GPC5: variants seen among roughly 807,000 people sequenced by gnomAD.
GPC5 encodes the protein glypican-5.
Under a neutral mutation model 53.9 loss-of-function variants are expected in GPC5, and 47 were observed. The observed-to-expected ratio is 0.87, with a 90% confidence interval of 0.69 to 1.11. GPC5 has a LOEUF of 1.11. Ranked by LOEUF, GPC5 falls within the 50% of genes most tolerant of loss-of-function variation. GPC5 has a pLI of 0.00. For synonymous variants in GPC5, 286 were observed against 263.3 expected (o/e 1.09, Z -0.84); for missense variants, 748 against 713.1 (o/e 1.05, Z -0.56).
chr13:91,853,957 A>C (rs1181161708), intron 5 of GPC5, among the ~76,000 whole-genome samples: 2 of 151,876 alleles, frequency 1.3e-5, no homozygotes, highest in Non-Finnish European at 2.9e-5. Context: ...TCCTCAGAGT[A>C]ACATAATAGC....
At chr13:91,544,338 CTAAT>C (rs1367168754) in intron 2 of GPC5, among the ~76,000 whole-genome samples, 3 of 152,102 alleles carry the variant, frequency 2.0e-5, no homozygotes, top group Admixed American at 2.0e-4. Context: ...TCTAACTATT[CTAAT>C]TTTCTTGAAA....
intron 7 of GPC5, among the ~76,000 whole-genome samples, chr13:92,397,796 G>A (rs1445884333): frequency 6.6e-6 from 1 of 152,098 alleles, no homozygotes; most frequent in East Asian, 1.9e-4. Context: ...TTGTAATGAA[G>A]CCCTAAGAAT....
At chr13:92,459,751 A>T (rs921228004) in intron 7 of GPC5, among the ~76,000 whole-genome samples, 1 of 152,074 alleles carries the variant, frequency 6.6e-6, no homozygotes, top group Non-Finnish European at 1.5e-5. Context: ...ATTACTTTTG[A>T]TATATAACCT....
At chr13:91,427,534 G>A (rs1393781259) in intron 1 of GPC5, among the ~76,000 whole-genome samples, 3 of 152,196 alleles carry the variant, frequency 2.0e-5, no homozygotes, top group Non-Finnish European at 4.4e-5. Flanking sequence ...TTTACCCAAT[G>A]CCTGTAATCC....
intron 6 of GPC5, among the ~76,000 whole-genome samples, chr13:92,134,174 C>T (rs1383545281): frequency 6.6e-6 from 1 of 152,060 alleles, no homozygotes; most frequent in Non-Finnish European, 1.5e-5. Flanking sequence ...ACTTGTTTGC[C>T]TCAGGAACAG....
At chr13:91,825,427 A>C (rs748079882) in intron 5 of GPC5, among the ~76,000 whole-genome samples, 17 of 152,166 alleles carry the variant, frequency 1.1e-4, no homozygotes, top group Non-Finnish European at 1.9e-4. Context: ...CAGAGTAATA[A>C]AATGAGCTGT....
intron 7 of GPC5, among the ~76,000 whole-genome samples, chr13:92,175,791 G>T (rs1210364500): frequency 6.7e-6 from 1 of 148,356 alleles, no homozygotes; most frequent in Non-Finnish European, 1.5e-5. Flanking sequence ...ATTCCTCAAA[G>T]AAAAAAAAAA....
chr13:92,759,964 G>C (rs1268127548), intron 7 of GPC5, among the ~76,000 whole-genome samples: 5 of 152,140 alleles, frequency 3.3e-5, no homozygotes, highest in African/African-American at 4.8e-5. Context: ...TGCATCAATT[G>C]ATATGATCGT....
In GPC5 at chr13:92,663,814, C is replaced by CTA. The variant is rs200264988; in HGVS notation, c.1562-202457_1562-202456dup. ...TATACACACACTATATATATACACACTATATATATATACACACACTATATA... is the reference window on the plus strand; with the variant it reads ...TATACACACACTATATATATACACACTATATATATATATACACACACTATATA... On this transcript the variant is annotated intron_variant, in intron 7 of 7. Coordinates refer to ENST00000377067, the MANE Select transcript of GPC5 (RefSeq NM_004466.6). Among the ~76,000 whole-genome samples the CTA allele has an allele frequency of 3.6e-4, 47 of 131,234 alleles. 1 individual carries two copies. Among genetic ancestry groups the CTA allele is most frequent in the Admixed American group, 1.3e-3 (17 of 12,712 alleles). 86.1% of individuals were successfully genotyped at this position (131,234 alleles called of 152,430 possible).
chr13:91,535,651 A>C (rs1886556222), intron 2 of GPC5, among the ~76,000 whole-genome samples: 1 of 152,164 alleles, frequency 6.6e-6, no homozygotes, highest in African/African-American at 2.4e-5. Context: ...TCGTCTTTTA[A>C]TGGAAAATCA....
chr13:92,352,033 G>T (rs2043482353), intron 7 of GPC5, among the ~76,000 whole-genome samples: 1 of 152,132 alleles, frequency 6.6e-6, no homozygotes, highest in Non-Finnish European at 1.5e-5. Flanking sequence ...GAAGTGATGA[G>T]ATACCTGTTA....
intron 7 of GPC5, among the ~76,000 whole-genome samples, chr13:92,514,991 A>G (rs1169858743): frequency 1.3e-5 from 2 of 152,236 alleles, no homozygotes; most frequent in African/African-American, 4.8e-5. Flanking sequence ...ATGACAGAAC[A>G]TATTTGTTGA....
intron 7 of GPC5, among the ~76,000 whole-genome samples, chr13:92,202,504 G>T (rs2042302526): frequency 6.6e-6 from 1 of 152,308 alleles, no homozygotes; most frequent in South Asian, 2.1e-4. Context: ...TTTTGATGTA[G>T]TGTTTTTAGA....
At chr13:91,549,320 A>G (rs533498371) in intron 2 of GPC5, among the ~76,000 whole-genome samples, 61 of 151,904 alleles carry the variant, frequency 4.0e-4, no homozygotes, top group African/African-American at 1.4e-3. Context: ...ACAGGAGAAG[A>G]TCTAGATAAC....
At chr13:92,767,592 C>G (rs1423855037) in intron 7 of GPC5, among the ~76,000 whole-genome samples, 1 of 152,216 alleles carries the variant, frequency 6.6e-6, no homozygotes, top group Non-Finnish European at 1.5e-5. Flanking sequence ...CTTCACATCT[C>G]AATCCTTGTA....
intron 4 of GPC5, among the ~76,000 whole-genome samples, chr13:91,745,760 A>G (rs1285700148): frequency 1.3e-5 from 2 of 152,152 alleles, no homozygotes; most frequent in African/African-American, 4.8e-5. Flanking sequence ...TTTGAATCAA[A>G]TATGAATGTC....
At chr13:91,553,060 T>G (rs1326451814) in intron 2 of GPC5, among the ~76,000 whole-genome samples, 1 of 152,096 alleles carries the variant, frequency 6.6e-6, no homozygotes, top group East Asian at 1.9e-4. Context: ...GTTAATTGTG[T>G]CTTTGATTTG....
rs74105026 is a variant in GPC5 at position 91,508,412 on chromosome 13, G to A, written c.325+59490G>A. Among the ~76,000 whole-genome samples the A allele has an allele frequency of 6.5e-3, 992 of 152,278 alleles. 9 individuals carry two copies. Among genetic ancestry groups the A allele is most frequent in the African/African-American group, 0.023 (962 of 41,548 alleles). On this transcript the variant is annotated intron_variant, in intron 2 of 7. Coordinates refer to ENST00000377067, the MANE Select transcript of GPC5 (RefSeq NM_004466.6). ...AGTGGCAATTATGGCTTATATAAAG[G>A]AGGGCAGACAGGATGGCATTGTACT... is the stretch of plus-strand genomic sequence containing the variant.
At chr13:92,346,114 A>G (rs1429974228) in intron 7 of GPC5, among the ~76,000 whole-genome samples, 2 of 152,146 alleles carry the variant, frequency 1.3e-5, no homozygotes, top group Non-Finnish European at 2.9e-5. Flanking sequence ...TAGAGGCTAG[A>G]CCTGCTTGAC....
Sources: gnomAD v4.1 joint callset for allele counts (sites outside exome capture counted in the v4.1 genomes callset) on GRCh38, gnomAD v4.1.1 for gene constraint, MANE v1.5 for transcripts, NCBI Gene and HGNC (gene_info 2026-07-23, HGNC 2026-07-21) for gene names.